The following SLC9A4 variants were observed in gnomAD, a reference collection of about 807,000 sequenced individuals.
The protein encoded by SLC9A4 is solute carrier family 9 member A4.
A neutral mutation model predicts 67.4 loss-of-function variants in SLC9A4; 63 were observed. The observed-to-expected ratio is 0.93, with a 90% confidence interval of 0.76 to 1.15. The LOEUF (loss-of-function observed/expected upper bound fraction) is 1.15. Among genes scored for constraint, SLC9A4 ranks in the 50% most tolerant of loss-of-function variants. SLC9A4 has a pLI of 0.00. For synonymous variants in SLC9A4, 393 were observed against 367.2 expected, an observed-to-expected ratio of 1.07 and a Z score of -0.80; for missense variants, 1,089 against 987.7, an observed-to-expected ratio of 1.10 and a Z score of -1.38.
intron 2 of SLC9A4, among the ~76,000 whole-genome samples, chr2:102,487,429 T>G (rs1684611123): frequency 6.6e-6 from 1 of 152,096 alleles, no homozygotes; most frequent in Admixed American, 6.5e-5. Flanking sequence ...GACAACCCCT[T>G]TACTTCCTGC....
chr2:102,485,162 G>C (rs908551905), intron 2 of SLC9A4, among the ~76,000 whole-genome samples: 5 of 152,168 alleles, frequency 3.3e-5, no homozygotes, highest in African/African-American at 1.2e-4. Flanking sequence ...GGCCTCTTGG[G>C]TGACTTAGCA....
chr2:102,486,903 C>T (rs951234676), intron 2 of SLC9A4, among the ~76,000 whole-genome samples: 3 of 152,196 alleles, frequency 2.0e-5, no homozygotes, highest in African/African-American at 4.8e-5. Flanking sequence ...ATGGAGATTA[C>T]GCCTAACCTT....
chr2:102,482,241 A>G (rs979504624), intron 2 of SLC9A4, among the ~76,000 whole-genome samples: 4 of 152,204 alleles, frequency 2.6e-5, no homozygotes, highest in African/African-American at 9.7e-5. Context: ...GGGACTGATG[A>G]GTCTTCGGAT....
At chr2:102,505,088 A>G (rs1685021686) in intron 3 of SLC9A4, among the ~76,000 whole-genome samples, 166 bp from the exon 4 acceptor site, 1 of 152,180 alleles carries the variant, frequency 6.6e-6, no homozygotes, top group African/African-American at 2.4e-5. Flanking sequence ...GAGGGAAAAG[A>G]GGGAGAAAGA....
chr2:102,505,685 C>T (rs1685036347), intron 4 of SLC9A4: 1 of 496,778 alleles, frequency 2.0e-6, no homozygotes, highest in East Asian at 3.0e-5. Context: ...TGCATTGAAG[C>T]AAGGCTGGGG....
chr2:102,505,861 T>C (rs924390509), intron 4 of SLC9A4: 1 of 199,302 alleles, frequency 5.0e-6, no homozygotes, highest in Admixed American at 5.3e-5. Context: ...CTTTGCAGAT[T>C]TGTATCCTCT....
rs1685227584 is a variant in SLC9A4, at chr2:102,514,205, G to A, written c.1675G>A (p.Val559Met). ...KLEMKQAIEMVETGILSSTAF... is the reference protein window; with the variant it reads ...KLEMKQAIEMMETGILSSTAF... ...GGAAATGAAGCAAGCCATCGAGATG[G>A]TGGAGACTGGGATACTGAGCTCTAC... Residue 559 changes from valine to methionine, a missense_variant, in exon 8 of 12, where the codon GTG becomes ATG. By Grantham distance (21) the Val-to-Met change is conservative. Coordinates refer to ENST00000295269, the MANE Select transcript of SLC9A4 (RefSeq NM_001011552.4). 4 of 1,614,122 alleles carry A rather than the reference G, an allele frequency of 2.5e-6. No homozygotes were observed. The highest frequency in any genetic ancestry group is 1.3e-5 in the African/African-American group (1 of 75,042).
chr2:102,473,994 C>G lies in SLC9A4; in HGVS notation c.235C>G (p.Leu79Val). 6.2e-7 allele frequency: 1 copy of G among 1,613,398 alleles called. No individual in the cohort carries two copies. The highest frequency in any genetic ancestry group is 8.5e-7 in the Non-Finnish European group (1 of 1,179,466). ...IPYEVTLWIL[L>V]ASLAKIGFHL... ...TTATGAGGTCACTCTCTGGATACTT[C>G]TAGCATCCCTTGCAAAAATAGGTAA... The change falls in exon 1 of 12, where the codon CTA (leucine) becomes GTA (valine). Residue 79 changes from leucine to valine, a missense_variant. Leu to Val is a conservative substitution (Grantham distance 32, BLOSUM62 1). Coordinates refer to ENST00000295269, the MANE Select transcript of SLC9A4 (RefSeq NM_001011552.4).
chr2:102,532,385 G>A lies in SLC9A4; in HGVS notation c.2094G>A (p.Arg698=). The A allele has an allele frequency of 6.2e-7, 1 of 1,614,178 alleles. No homozygotes were observed. Among genetic ancestry groups the A allele is most frequent in the Non-Finnish European group, 8.5e-7 (1 of 1,180,036 alleles). ...CCATCACGTTCAGCGCATGCTCTCG[G>A]ATAGGGTCACTTCAGAAGCAAGAGG... is the stretch of plus-strand genomic sequence containing the variant. ...SPSITFSACS[R]IGSLQKQEAQ... The change falls in exon 12 of 12, where the codon CGG becomes CGA. Residue 698 remains arginine (R), a synonymous_variant. Transcript: ENST00000295269.
chr2:102,523,133 A>AT lies in SLC9A4; in HGVS notation c.1819-1878dup, dbSNP rs33951404. Reference sequence around the variant, plus strand: ...GCAGGTTCACACCACCACACCCAGCATTTTTTTTTTTTTGTATTTTTTGTA... The same window carrying AT: ...GCAGGTTCACACCACCACACCCAGCATTTTTTTTTTTTTTGTATTTTTTGTA... On this transcript the variant is annotated intron_variant, in intron 9 of 11. Coordinates refer to ENST00000295269, the MANE Select transcript of SLC9A4 (RefSeq NM_001011552.4). Among the ~76,000 whole-genome samples the AT allele has an allele frequency of 3.6e-3, 533 of 148,414 alleles. 8 individuals carry two copies. The East Asian group carries it at 0.051, about 14-fold the overall frequency.
rs772109213 is a variant in SLC9A4, at chr2:102,512,213, A to G, written c.1499A>G (p.His500Arg). The change falls in exon 7 of 12, where the codon CAC (histidine) becomes CGC (arginine). Residue 500 changes from histidine (H) to arginine (R), a missense_variant. Transcript: ENST00000295269. ...GTGTTTGTTTGGCAGCTGATGGATC[A>G]CTTAAAGGCTGGAATCGAAGATGTG... is the stretch of plus-strand genomic sequence containing the variant. ...NEELHIRLMDHLKAGIEDVCG... is the reference protein window; with the variant it reads ...NEELHIRLMDRLKAGIEDVCG... 2 of 1,613,956 alleles carry G rather than the reference A, an allele frequency of 1.2e-6. No individual in the cohort carries two copies. The highest frequency in any genetic ancestry group is 1.7e-6 in the Non-Finnish European group (2 of 1,179,910).
chr2:102,527,269 C>CAAA (rs4070555), intron 11 of SLC9A4, among the ~76,000 whole-genome samples: 34 of 151,724 alleles, frequency 2.2e-4, no homozygotes, highest in South Asian at 4.2e-4. Context: ...CCTCCCTCCA[C>CAAA]AAAAAAATCA....
At chr2:102,523,607 G>A (rs1674595647) in intron 9 of SLC9A4, among the ~76,000 whole-genome samples, 1 of 152,126 alleles carries the variant, frequency 6.6e-6, no homozygotes, top group Admixed American at 6.5e-5. Context: ...GCATCTTGTG[G>A]CACTTTTTGG....
intron 10 of SLC9A4, among the ~76,000 whole-genome samples, 155 bp downstream of exon 10, chr2:102,525,310 C>A (rs1358114572): frequency 6.6e-6 from 1 of 152,066 alleles, no homozygotes; most frequent in Admixed American, 6.5e-5. Context: ...AGCAAGAGTG[C>A]AGGACACCAG....
intron 2 of SLC9A4, among the ~76,000 whole-genome samples, chr2:102,490,421 C>T (rs1684672094): frequency 6.6e-6 from 1 of 152,224 alleles, no homozygotes; most frequent in South Asian, 2.1e-4. Context: ...CAGCTACCTT[C>T]TTGCTTTGTC....
intron 2 of SLC9A4, among the ~76,000 whole-genome samples, chr2:102,497,964 G>A (rs1684846482): frequency 6.6e-6 from 1 of 152,158 alleles, no homozygotes; most frequent in Admixed American, 6.5e-5. Flanking sequence ...TTTTACAGTG[G>A]CATCAGCTAA....
At chr2:102,501,794 C>G (rs759505181) in intron 2 of SLC9A4, among the ~76,000 whole-genome samples, 14 of 151,844 alleles carry the variant, frequency 9.2e-5, no homozygotes, top group Non-Finnish European at 1.9e-4. Flanking sequence ...AGTGGTGATA[C>G]TGATTGTCAC....
rs1388658966 is a variant in SLC9A4 at position 102,519,960 on chromosome 2, G to T, written c.1818+5G>T. The T allele has an allele frequency of 4.3e-6, 7 of 1,612,658 alleles. No individual in the cohort carries two copies. The highest frequency in any genetic ancestry group is 1.3e-5 in the African/African-American group (1 of 74,878). ...ATGTACCAAGTTCGGCAAAGGGTGT[G>T]TATGAGCCACCTGTGTTGTCCCCAT... is the stretch of plus-strand genomic sequence containing the variant. On this transcript the variant is annotated splice_donor_5th_base_variant and intron_variant, in intron 9 of 11. Coordinates refer to ENST00000295269, the MANE Select transcript of SLC9A4 (RefSeq NM_001011552.4).
chr2:102,526,094 G>C (rs1473767678), intron 10 of SLC9A4, among the ~76,000 whole-genome samples, 165 bp from the exon 11 acceptor site: 1 of 152,122 alleles, frequency 6.6e-6, no homozygotes, highest in Non-Finnish European at 1.5e-5. Flanking sequence ...CACCATGTTG[G>C]CCAGGCTGGT....
Sources: allele counts gnomAD v4.1 joint callset (sites outside exome capture counted in the v4.1 genomes callset), GRCh38; gene constraint gnomAD v4.1.1; transcripts MANE v1.5; gene names NCBI Gene and HGNC (gene_info 2026-07-23, HGNC 2026-07-21).